PVT1: variants seen among roughly 807,000 people sequenced by gnomAD.
PVT1 encodes the protein CXCR4/PVT1 fusion.
intron 3 of PVT1, among the ~76,000 whole-genome samples, chr8:127,924,030 G>A (rs1236456872): frequency 2.0e-5 from 3 of 152,200 alleles, no homozygotes; most frequent in African/African-American, 7.2e-5. Context: ...GCCCCCTCTG[G>A]CATGGTGTTG....
chr8:127,978,084 T>C (rs1816841072), intron 3 of PVT1, among the ~76,000 whole-genome samples: 2 of 152,316 alleles, frequency 1.3e-5, no homozygotes, highest in South Asian at 4.1e-4. Context: ...TTCCACACTG[T>C]CACTTCTTTC....
At chr8:127,921,519 A>G (rs936121200) in intron 3 of PVT1, among the ~76,000 whole-genome samples, 5 of 152,178 alleles carry the variant, frequency 3.3e-5, no homozygotes, top group Non-Finnish European at 7.3e-5. Flanking sequence ...GTTTAAAATG[A>G]TAATTTCAGG....
At chr8:128,021,988 G>A (rs957388138) in intron 4 of PVT1, among the ~76,000 whole-genome samples, 1 of 152,150 alleles carries the variant, frequency 6.6e-6, no homozygotes, top group Non-Finnish European at 1.5e-5. Context: ...AGAGGGAGAG[G>A]TTGCAGTGAG....
At chr8:127,842,948 C>T (rs1395034923) in intron 2 of PVT1, among the ~76,000 whole-genome samples, 1 of 152,204 alleles carries the variant, frequency 6.6e-6, no homozygotes, top group South Asian at 2.1e-4. Flanking sequence ...GGCCAGGTCA[C>T]AATACCCTCT....
At chr8:128,026,161 T>A (rs1465398566) in intron 4 of PVT1, among the ~76,000 whole-genome samples, 1 of 152,160 alleles carries the variant, frequency 6.6e-6, no homozygotes, top group Non-Finnish European at 1.5e-5. Flanking sequence ...CAGGCTGGTC[T>A]CAAACTCCTG....
At chr8:127,899,543 A>G (rs1047866067) in intron 3 of PVT1, among the ~76,000 whole-genome samples, 1 of 152,102 alleles carries the variant, frequency 6.6e-6, no homozygotes, top group African/African-American at 2.4e-5. Flanking sequence ...ATGACAGATG[A>G]GTCACCTCTG....
chr8:127,884,769 C>T (rs544326353), intron 2 of PVT1, among the ~76,000 whole-genome samples: 10 of 152,330 alleles, frequency 6.6e-5, no homozygotes, highest in African/African-American at 1.2e-4. Context: ...CGGGAAATCC[C>T]GGTGTACAAT....
chr8:127,883,058 C>G (rs1239220212), intron 2 of PVT1, among the ~76,000 whole-genome samples: 1 of 104,766 alleles, frequency 9.5e-6, no homozygotes, highest in Non-Finnish European at 1.8e-5. Context: ...TGCATGCACA[C>G]ACATCACACA....
intron 2 of PVT1, among the ~76,000 whole-genome samples, chr8:127,875,164 C>G (rs1486403237): frequency 6.6e-6 from 1 of 152,190 alleles, no homozygotes; most frequent in Non-Finnish European, 1.5e-5. Context: ...CCCACCTTAA[C>G]CAGTGACTGT....
chr8:127,883,506 G>A (rs1166261564), intron 2 of PVT1, among the ~76,000 whole-genome samples: 2 of 152,028 alleles, frequency 1.3e-5, no homozygotes, highest in Admixed American at 6.6e-5. Context: ...AGCATTAGGA[G>A]ATATACCTAA....
intron 3 of PVT1, among the ~76,000 whole-genome samples, chr8:127,892,351 C>T (rs149592181): frequency 2.1e-3 from 326 of 152,318 alleles, no homozygotes; most frequent in African/African-American, 7.4e-3. Flanking sequence ...TGCACACAGG[C>T]TAGACACATA....
At chr8:128,065,990 A>G (rs1018332334) in intron 4 of PVT1, among the ~76,000 whole-genome samples, 2 of 152,256 alleles carry the variant, frequency 1.3e-5, no homozygotes, top group African/African-American at 4.8e-5. Flanking sequence ...ACAGATCCAT[A>G]AACAATTAAG....
At chr8:127,795,139 A>G (rs373288308) in intron 1 of PVT1, among the ~76,000 whole-genome samples, 1 of 151,988 alleles carries the variant, frequency 6.6e-6, no homozygotes, top group African/African-American at 2.4e-5. Flanking sequence ...GCTTCCTCTC[A>G]CACCCCCTCA....
chr8:127,984,448 T>G (rs561355106), intron 3 of PVT1, among the ~76,000 whole-genome samples: 8 of 152,198 alleles, frequency 5.3e-5, no homozygotes, highest in South Asian at 2.1e-4. Context: ...GAAACCTAAT[T>G]TGCCTACCAG....
chr8:127,980,157 T>G (rs1816867182), intron 3 of PVT1, among the ~76,000 whole-genome samples: 1 of 152,142 alleles, frequency 6.6e-6, no homozygotes, highest in African/African-American at 2.4e-5. Context: ...GCTGGGATTA[T>G]AGGTGTGAAC....
At chr8:128,030,983 G>T (rs1441402043) in intron 4 of PVT1, among the ~76,000 whole-genome samples, 8 of 152,324 alleles carry the variant, frequency 5.3e-5, no homozygotes, top group Non-Finnish European at 1.0e-4. Context: ...CCCTCCCTAT[G>T]AAGCTTTTCT....
chr8:127,814,619 C>T (rs1814639061), intron 2 of PVT1, among the ~76,000 whole-genome samples: 1 of 152,230 alleles, frequency 6.6e-6, no homozygotes, highest in African/African-American at 2.4e-5. Context: ...GGGATTGAGG[C>T]ACAGACAGTT....
rs1022952569 is a variant in PVT1, at chr8:127,985,980, C to T, written n.783-3182C>T. ...CCAGTTGGCCCCACTGCCTGGGCCA[C>T]GTTCTGGTGGCATCCAAGAACTGGT... is the stretch of plus-strand genomic sequence containing the variant. On this transcript the variant is annotated intron_variant and non_coding_transcript_variant, in intron 3 of 10. Transcript: ENST00000651587. Among the ~76,000 whole-genome samples the T allele has an allele frequency of 3.3e-5, 5 of 152,214 alleles. No homozygotes were observed. In the South Asian group the frequency reaches 6.2e-4, roughly 19 times the overall value.
intron 2 of PVT1, among the ~76,000 whole-genome samples, chr8:127,811,028 A>T (rs1814588482): frequency 6.6e-6 from 1 of 152,150 alleles, no homozygotes; most frequent in African/African-American, 2.4e-5. Flanking sequence ...TAGATTGTAC[A>T]ACCACACCAG....
Sources: allele counts gnomAD v4.1 joint callset (sites outside exome capture counted in the v4.1 genomes callset), GRCh38; gene constraint gnomAD v4.1.1; transcripts MANE v1.5; gene names NCBI Gene and HGNC (gene_info 2026-07-23, HGNC 2026-07-21).